Variants in SEM1 observed in about 807,000 individuals in gnomAD.
The protein encoded by SEM1 is 26S proteasome complex subunit SEM1.
Under a neutral mutation model 12.7 loss-of-function variants are expected in SEM1, and 3 were observed. That is an observed-to-expected ratio of 0.24 (90% CI 0.11 to 0.61). The LOEUF is 0.61. Ranked by LOEUF, SEM1 falls within the 20% of genes least tolerant of loss-of-function variation. The pLI, the probability that SEM1 is intolerant of heterozygous loss-of-function variation, is 0.88. For missense variants in SEM1, 59 were observed against 81.3 expected (o/e 0.73, Z 1.06); for synonymous variants, 30 against 27.8 (o/e 1.08, Z -0.25).
chr7:96,689,624 C>T (rs1789865769), intron 2 of SEM1, among the ~76,000 whole-genome samples: 1 of 152,226 alleles, frequency 6.6e-6, no homozygotes, highest in Non-Finnish European at 1.5e-5. Context: ...GACACCACTA[C>T]ACTATTCCAA....
chr7:96,551,756 G>A (rs1253181272), intron 2 of SEM1, among the ~76,000 whole-genome samples: 1 of 150,194 alleles, frequency 6.7e-6, no homozygotes, highest in African/African-American at 2.4e-5. Context: ...TACACACAGA[G>A]GTCATGTGAA....
downstream of SEM1, among the ~76,000 whole-genome samples, chr7:96,670,919 G>A (rs1419755486): frequency 1.3e-5 from 2 of 152,126 alleles, no homozygotes; most frequent in Non-Finnish European, 2.9e-5. Context: ...TGAAATATAG[G>A]GAGGGAGAGA....
chr7:96,572,647 CTGTT>C (rs1277058386), intron 2 of SEM1, among the ~76,000 whole-genome samples: 4 of 152,132 alleles, frequency 2.6e-5, no homozygotes, highest in African/African-American at 7.2e-5. Context: ...GTCTGAGAGA[CTGTT>C]TGTTATGATT....
At chr7:96,539,236 AT>A (rs1214393240) in intron 2 of SEM1, among the ~76,000 whole-genome samples, 1 of 151,770 alleles carries the variant, frequency 6.6e-6, no homozygotes, top group African/African-American at 2.4e-5. Flanking sequence ...TTGATTATAG[AT>A]TTTTGAAAGA....
intron 2 of SEM1, among the ~76,000 whole-genome samples, chr7:96,530,792 A>T (rs1804615641): frequency 6.6e-6 from 1 of 152,094 alleles, no homozygotes. Flanking sequence ...TCTGAGAAGG[A>T]TAGGGAGTAG....
chr7:96,671,382 T>C (rs896635514), downstream of SEM1, among the ~76,000 whole-genome samples: 3 of 152,166 alleles, frequency 2.0e-5, no homozygotes, highest in Non-Finnish European at 4.4e-5. Context: ...TTTACCCATT[T>C]AATTTGGTTT....
At chr7:96,686,147 T>C (rs957131488), downstream of SEM1, among the ~76,000 whole-genome samples, 3 of 152,164 alleles carry the variant, frequency 2.0e-5, no homozygotes, top group African/African-American at 2.4e-5. Flanking sequence ...TCCTCCCTGC[T>C]TCACAGGGTG....
chr7:96,658,092 T>G (rs1809240190), intron 2 of SEM1, among the ~76,000 whole-genome samples: 1 of 152,130 alleles, frequency 6.6e-6, no homozygotes, highest in Non-Finnish European at 1.5e-5. Context: ...CCAAATCAAT[T>G]ATGACACTCA....
intron 2 of SEM1, among the ~76,000 whole-genome samples, chr7:96,590,805 A>G (rs1385871783): frequency 1.3e-5 from 2 of 152,192 alleles, no homozygotes; most frequent in Non-Finnish European, 2.9e-5. Context: ...GGCTATGCCA[A>G]AATCATTTGT....
At chr7:96,535,974 C>A (rs1456969883) in intron 2 of SEM1, among the ~76,000 whole-genome samples, 2 of 151,800 alleles carry the variant, frequency 1.3e-5, no homozygotes, top group Non-Finnish European at 2.9e-5. Flanking sequence ...GGGTACATAT[C>A]CGGGAGTGGG....
At chr7:96,635,249 G>A (rs372984024) in intron 2 of SEM1, among the ~76,000 whole-genome samples, 1 of 152,062 alleles carries the variant, frequency 6.6e-6, no homozygotes, top group East Asian at 1.9e-4. Context: ...ATGGGGGTGG[G>A]TGTGGGGAAT....
At chr7:96,573,741 G>T (rs1195129308) in intron 2 of SEM1, among the ~76,000 whole-genome samples, 1 of 151,998 alleles carries the variant, frequency 6.6e-6, no homozygotes, top group African/African-American at 2.4e-5. Flanking sequence ...ATGATTATGT[G>T]TCTTGGGGTT....
intron 2 of SEM1, among the ~76,000 whole-genome samples, chr7:96,538,273 C>T (rs1804850165): frequency 6.6e-6 from 1 of 151,742 alleles, no homozygotes. Flanking sequence ...TTTAAATTCC[C>T]AACCCTAATT....
At chr7:96,515,892 G>T (rs137927245) in intron 2 of SEM1, among the ~76,000 whole-genome samples, 2,525 of 152,172 alleles carry the variant, frequency 0.017, 80 homozygotes, top group African/African-American at 0.058. Flanking sequence ...CGGGGACTGG[G>T]GGAGGGATAG....
intron 2 of SEM1, among the ~76,000 whole-genome samples, chr7:96,544,654 T>G (rs1431639994): frequency 3.3e-5 from 5 of 151,998 alleles, no homozygotes; most frequent in African/African-American, 9.7e-5. Context: ...CTTCCAAAAC[T>G]TAACTACTAA....
chr7:96,626,997 T>A (rs1046195393), intron 2 of SEM1, among the ~76,000 whole-genome samples: 3 of 152,140 alleles, frequency 2.0e-5, no homozygotes, highest in Non-Finnish European at 2.9e-5. Flanking sequence ...TTGGATTTCT[T>A]CATGGTTCAA....
At chr7:96,486,284 T>C (rs1002904652) in exon 2 of SEM1, 2 of 1,537,102 alleles carry the variant, frequency 1.3e-6, no homozygotes, top group Non-Finnish European at 1.7e-6. Context: ...GGCCGGATGC[T>C]TACTCTCATG....
intron 1 of SEM1, among the ~76,000 whole-genome samples, chr7:96,707,825 T>G (rs1790518503): frequency 6.6e-6 from 1 of 152,322 alleles, no homozygotes; most frequent in Admixed American, 6.5e-5. Context: ...CAGTCAATTA[T>G]CAACTAACTA....
intron 2 of SEM1, among the ~76,000 whole-genome samples, chr7:96,526,451 G>GA (rs1202305919): frequency 2.6e-5 from 4 of 152,000 alleles, no homozygotes; most frequent in African/African-American, 9.7e-5. Context: ...GGAGAGGAAG[G>GA]CATAGAAACA....
Sources: allele counts gnomAD v4.1 joint callset (sites outside exome capture counted in the v4.1 genomes callset), GRCh38; gene constraint gnomAD v4.1.1; transcripts MANE v1.5; gene names NCBI Gene and HGNC (gene_info 2026-07-23, HGNC 2026-07-21).